The following LRRIQ3 variants were observed in gnomAD, a reference collection of about 807,000 sequenced individuals.
LRRIQ3 encodes leucine-rich repeat and IQ domain-containing protein 3.
In LRRIQ3, 75 loss-of-function variants were observed where a neutral mutation model predicts 59.3. That is an observed-to-expected ratio of 1.26 (90% CI 1.05 to 1.53). LRRIQ3 has a LOEUF of 1.53. LRRIQ3 is among the 40% of genes most tolerant of loss of function. The probability of loss-of-function intolerance (pLI) is 0.00; values close to 1 mark genes in which losing one functional copy is unlikely to be tolerated. For synonymous variants in LRRIQ3, 250 were observed against 231.3 expected, an observed-to-expected ratio of 1.08 and a Z score of -0.73; for missense variants, 831 against 710.0, an observed-to-expected ratio of 1.17 and a Z score of -1.94.
chr1:74,026,993 A>G (rs764118533), intron 7 of LRRIQ3, 24 bp from the exon 8 acceptor site: 18 of 1,428,196 alleles, frequency 1.3e-5, no homozygotes, highest in Middle Eastern at 4.3e-4. Flanking sequence ...GAAAGGTAAT[A>G]GAATGAGATA....
chr1:74,084,876 C>T (rs895895373), intron 5 of LRRIQ3, among the ~76,000 whole-genome samples: 2 of 151,622 alleles, frequency 1.3e-5, no homozygotes, highest in Non-Finnish European at 1.5e-5. Context: ...TATAGAATTT[C>T]CAGAATAATG....
chr1:74,045,233 T>C (rs1654164744), intron 6 of LRRIQ3, among the ~76,000 whole-genome samples: 1 of 152,118 alleles, frequency 6.6e-6, no homozygotes, highest in African/African-American at 2.4e-5. Context: ...GCGAACTGAA[T>C]CCAGCAGCAC....
chr1:74,153,705 C>T (rs113825026), intron 4 of LRRIQ3, among the ~76,000 whole-genome samples: 4 of 152,150 alleles, frequency 2.6e-5, no homozygotes, highest in Non-Finnish European at 4.4e-5. Flanking sequence ...GACTATAATA[C>T]GGTATGGTAA....
At chr1:74,093,464 C>T (rs1646415645) in intron 5 of LRRIQ3, among the ~76,000 whole-genome samples, 1 of 152,014 alleles carries the variant, frequency 6.6e-6, no homozygotes, top group Non-Finnish European at 1.5e-5. Flanking sequence ...TTCTATGCCA[C>T]TTTATATGCT....
Position 74,026,949 on chromosome 1 carries a change from CTT to C in LRRIQ3, c.1737_1738del (p.Arg580ThrfsTer3), listed in dbSNP as rs1557582654. On this transcript the variant is annotated frameshift_variant, in exon 8 of 8. Coordinates refer to ENST00000354431, the MANE Select transcript of LRRIQ3 (RefSeq NM_001105659.2). LOFTEE classifies it low-confidence loss of function (END_TRUNC). ...CATAACAAATTTTTCTTCACAATGT[CTT>C]TTATATATTTCTTGAGATCTAAGAG... 4.5e-6 allele frequency: 7 copies of C among 1,566,712 alleles called. No individual in the cohort carries two copies. Among genetic ancestry groups the C allele is most frequent in the Non-Finnish European group, 5.2e-6 (6 of 1,148,966 alleles).
chr1:74,117,844 C>T (rs115151676), intron 4 of LRRIQ3, among the ~76,000 whole-genome samples: 2 of 151,822 alleles, frequency 1.3e-5, no homozygotes, highest in East Asian at 3.9e-4. Context: ...TTCTATATAT[C>T]CATTGACCTG....
In LRRIQ3 at chr1:74,041,410, T is replaced by G; in HGVS notation, c.1521A>C (p.Glu507Asp). 6.2e-7 allele frequency: 1 copy of G among 1,613,884 alleles called. No individual in the cohort carries two copies. Among genetic ancestry groups the G allele is most frequent in the Non-Finnish European group, 8.5e-7 (1 of 1,179,898 alleles). The change falls in exon 7 of 8, where the codon GAA becomes GAC. Residue 507 changes from glutamate (E) to aspartate (D), a missense_variant. Transcript: ENST00000354431. ...ARERKALFLK[E>D]KSQKASERLL... Reference sequence around the variant, plus strand: ...AACGCTCTGAAGCCTTTTGGGATTTTTCTTTTAGAAACAGAGCTTTTCTCT... The same window carrying G: ...AACGCTCTGAAGCCTTTTGGGATTTGTCTTTTAGAAACAGAGCTTTTCTCT...
intron 5 of LRRIQ3, among the ~76,000 whole-genome samples, chr1:74,105,303 G>A (rs556385034): frequency 2.9e-4 from 44 of 151,150 alleles, no homozygotes; most frequent in African/African-American, 8.3e-4. Flanking sequence ...CCAGGCTGGA[G>A]TGCAGTGGTG....
intron 5 of LRRIQ3, among the ~76,000 whole-genome samples, chr1:74,076,081 A>G (rs1174463865): frequency 6.6e-6 from 1 of 152,140 alleles, no homozygotes; most frequent in Non-Finnish European, 1.5e-5. Flanking sequence ...GCCCGTTACC[A>G]TGACAGAAGA....
chr1:74,068,295 A>T (rs1654923858), intron 6 of LRRIQ3, among the ~76,000 whole-genome samples: 1 of 152,160 alleles, frequency 6.6e-6, no homozygotes, highest in African/African-American at 2.4e-5. Context: ...TTTATTTCTC[A>T]TCTAAGAATC....
At chr1:74,176,870 C>T (rs890254604) in intron 3 of LRRIQ3, among the ~76,000 whole-genome samples, 2 of 152,156 alleles carry the variant, frequency 1.3e-5, no homozygotes, top group African/African-American at 4.8e-5. Context: ...TGGTTCCTTA[C>T]TTGGCCTCCT....
At chr1:74,171,802 T>C (rs1309872096) in intron 3 of LRRIQ3, among the ~76,000 whole-genome samples, 1 of 152,186 alleles carries the variant, frequency 6.6e-6, no homozygotes, top group East Asian at 1.9e-4. Flanking sequence ...TCAACCTCCT[T>C]ATTTGTTATA....
intron 3 of LRRIQ3, among the ~76,000 whole-genome samples, chr1:74,174,926 T>C (rs1649547370): frequency 6.6e-6 from 1 of 152,230 alleles, no homozygotes; most frequent in African/African-American, 2.4e-5. Context: ...TAGTTTCCTT[T>C]AGTTTCCTTT....
At chr1:74,139,128 A>G (rs6694311) in intron 4 of LRRIQ3, among the ~76,000 whole-genome samples, 12 of 5,378 alleles carry the variant, frequency 2.2e-3, no homozygotes, top group East Asian at 0.083. Flanking sequence ...GTGTGTGTGT[A>G]TATATATATA....
chr1:74,196,256 C>T (rs1312963023), intron 1 of LRRIQ3, among the ~76,000 whole-genome samples: 1 of 152,108 alleles, frequency 6.6e-6, no homozygotes, highest in Non-Finnish European at 1.5e-5. Flanking sequence ...TCTAACACAT[C>T]ACTCTGTTTG....
At chr1:74,144,981 A>C (rs1423844520) in intron 4 of LRRIQ3, among the ~76,000 whole-genome samples, 1 of 152,066 alleles carries the variant, frequency 6.6e-6, no homozygotes, top group African/African-American at 2.4e-5. Context: ...GAAATATTAT[A>C]GAGACCCCAG....
At chr1:74,082,477 G>A (rs1646284041) in intron 5 of LRRIQ3, 1 of 151,546 alleles carries the variant, frequency 6.6e-6, no homozygotes, top group South Asian at 2.1e-4. Context: ...GAATTTTCAA[G>A]AGGGAAATTC....
rs990236558 is a variant in LRRIQ3 at position 74,198,088 on chromosome 1, G to T, written c.-93C>A. ...AATCGCTGGGCGGCCATCTGCTCCT[G>T]AGACCGTTGCTAGAGAAACAAGACA... On this transcript the variant is annotated 5_prime_UTR_variant, in exon 1 of 8. Coordinates refer to ENST00000354431, the MANE Select transcript of LRRIQ3 (RefSeq NM_001105659.2). 1.7e-5 allele frequency: 22 copies of T among 1,266,176 alleles called. No homozygotes were observed. The highest frequency in any genetic ancestry group is 2.9e-5 in the Admixed American group (1 of 34,436). 78.4% of individuals were successfully genotyped at this position (1,266,176 alleles called of 1,614,324 possible). A position where few individuals can be genotyped will look rare whatever the true frequency, so the allele number is the denominator to read the frequency against.
rs146961685 is a variant in LRRIQ3, at chr1:74,037,553, T to G, written c.1718+3660A>C. On this transcript the variant is annotated intron_variant, in intron 7 of 7. Transcript: ENST00000354431. Reference sequence around the variant, plus strand: ...CAGGAGGCTGAGGCAGGAGAATCATTTGGGAGGTGAAGGGTGCAGTGAGCC... The same window carrying G: ...CAGGAGGCTGAGGCAGGAGAATCATGTGGGAGGTGAAGGGTGCAGTGAGCC... Among the ~76,000 whole-genome samples the G allele has an allele frequency of 4.9e-4, 74 of 152,058 alleles. 1 individual carries two copies. Among genetic ancestry groups the G allele is most frequent in the Middle Eastern group, 6.8e-3 (2 of 294 alleles).
Sources: gnomAD v4.1 joint callset for allele counts (sites outside exome capture counted in the v4.1 genomes callset) on GRCh38, gnomAD v4.1.1 for gene constraint, MANE v1.5 for transcripts, NCBI Gene and HGNC (gene_info 2026-07-23, HGNC 2026-07-21) for gene names.